Variants in LEKR1 observed in about 807,000 individuals in gnomAD.
The protein encoded by LEKR1 is leucine, glutamate and lysine rich 1.
Under a neutral mutation model 72.4 loss-of-function variants are expected in LEKR1, and 59 were observed. That is an observed-to-expected ratio of 0.82 (90% CI 0.66 to 1.01). The LOEUF (loss-of-function observed/expected upper bound fraction) is 1.01, where lower values mean the gene tolerates loss of function less well. LEKR1 is among the 50% of genes least tolerant of loss of function. LEKR1 has a pLI of 0.00. For missense variants in LEKR1, 728 were observed against 759.2 expected, an observed-to-expected ratio of 0.96 and a Z score of 0.48; for synonymous variants, 257 against 263.2, an observed-to-expected ratio of 0.98 and a Z score of 0.23.
chr3:156,839,393 TG>T (rs1713594529), intron 2 of LEKR1, among the ~76,000 whole-genome samples: 1 of 152,250 alleles, frequency 6.6e-6, no homozygotes, highest in Non-Finnish European at 1.5e-5. Flanking sequence ...CCATTGAAGA[TG>T]CCATCATTCT....
chr3:156,938,969 C>T (rs1026538229), intron 5 of LEKR1, among the ~76,000 whole-genome samples: 1 of 152,270 alleles, frequency 6.6e-6, no homozygotes, highest in African/African-American at 2.4e-5. Flanking sequence ...ATTGTACTTG[C>T]GTTAGCTAGT....
At chr3:156,909,370 T>C (rs1228304139) in intron 3 of LEKR1, among the ~76,000 whole-genome samples, 1 of 152,104 alleles carries the variant, frequency 6.6e-6, no homozygotes, top group African/African-American at 2.4e-5. Context: ...ATGTTTAAAT[T>C]TTCATTGCTG....
At chr3:156,855,049 T>C (rs965487984) in intron 3 of LEKR1, among the ~76,000 whole-genome samples, 1 of 152,190 alleles carries the variant, frequency 6.6e-6, no homozygotes, top group Non-Finnish European at 1.5e-5. Flanking sequence ...GAATATGCTA[T>C]AATTTACTTA....
chr3:156,981,140 G>T (rs1243449977), intron 7 of LEKR1, among the ~76,000 whole-genome samples: 1 of 152,162 alleles, frequency 6.6e-6, no homozygotes, highest in Non-Finnish European at 1.5e-5. Context: ...TAGCCTACGT[G>T]TGTAGTAGGT....
At chr3:156,908,160 G>A (rs760437425) in intron 3 of LEKR1, among the ~76,000 whole-genome samples, 9 of 152,084 alleles carry the variant, frequency 5.9e-5, no homozygotes, top group African/African-American at 2.2e-4. Flanking sequence ...CCTTAATCAC[G>A]TGGCTAAACT....
At chr3:157,003,723 T>A (rs1732196533) in intron 9 of LEKR1, among the ~76,000 whole-genome samples, 1 of 152,144 alleles carries the variant, frequency 6.6e-6, no homozygotes, top group Admixed American at 6.5e-5. Context: ...GGAAACATAC[T>A]CACAGATTCA....
At chr3:157,026,599 A>G (rs913326932) in intron 11 of LEKR1, among the ~76,000 whole-genome samples, 1 of 152,188 alleles carries the variant, frequency 6.6e-6, no homozygotes, top group African/African-American at 2.4e-5. Flanking sequence ...ATTATGAACT[A>G]TGGTGAAGAG....
chr3:156,852,845 A>C lies in LEKR1; in HGVS notation c.126A>C (p.Glu42Asp). Residue 42 changes from glutamate to aspartate, a missense_variant, in exon 3 of 13, where the codon GAA (glutamate) becomes GAC (aspartate). Coordinates refer to ENST00000356539, the MANE Select transcript of LEKR1 (RefSeq NM_001004316.3). ...LILHEFKAME[E>D]KVKAMEKEMK... ...TTCATGAATTTAAGGCTATGGAAGA[A>C]AAAGTGAAAGCAATGGAAAAAGAGA... 4 of 1,535,696 alleles carry C rather than the reference A, an allele frequency of 2.6e-6. No homozygotes were observed. Among genetic ancestry groups the C allele is most frequent in the Non-Finnish European group, 3.5e-6 (4 of 1,145,796 alleles).
At chr3:156,908,691 C>G (rs1722784031) in intron 3 of LEKR1, among the ~76,000 whole-genome samples, 1 of 152,064 alleles carries the variant, frequency 6.6e-6, no homozygotes. Flanking sequence ...TCTAAAATGC[C>G]CTGATTTCTT....
intron 2 of LEKR1, among the ~76,000 whole-genome samples, chr3:156,833,884 G>A (rs1560011118): frequency 6.7e-6 from 1 of 149,740 alleles, no homozygotes; most frequent in Non-Finnish European, 1.5e-5. Context: ...GTGGCTACCT[G>A]AATCTCTCTT....
intron 3 of LEKR1, among the ~76,000 whole-genome samples, chr3:156,870,951 CT>C (rs201513634): frequency 3.0e-4 from 45 of 151,786 alleles, no homozygotes; most frequent in Admixed American, 8.6e-4. Context: ...GTCCTTCATT[CT>C]TTTTTTTATT....
At chr3:156,927,666 T>C (rs1475750601) in intron 5 of LEKR1, 62 bp downstream of exon 5, 1 of 614,394 alleles carries the variant, frequency 1.6e-6, no homozygotes, top group African/African-American at 2.1e-5. Context: ...TCATAAGTAA[T>C]AAAATAATGA....
At chr3:157,003,684 A>C (rs1415858064) in intron 9 of LEKR1, among the ~76,000 whole-genome samples, 1 of 152,192 alleles carries the variant, frequency 6.6e-6, no homozygotes, top group African/African-American at 2.4e-5. Flanking sequence ...TAACTTTATC[A>C]CATCTACAAA....
intron 3 of LEKR1, among the ~76,000 whole-genome samples, chr3:156,885,441 G>C (rs763068534): frequency 2.0e-5 from 3 of 152,168 alleles, no homozygotes; most frequent in African/African-American, 4.8e-5. Context: ...GAAACTCAAG[G>C]CTTGCTGTTC....
intron 12 of LEKR1, among the ~76,000 whole-genome samples, chr3:157,033,942 C>T (rs1276131720): frequency 6.6e-6 from 1 of 152,020 alleles, no homozygotes; most frequent in African/African-American, 2.4e-5. Context: ...TATGCTAAAT[C>T]TACTCTACTC....
Position 156,845,243 on chromosome 3 carries a change from G to A in LEKR1, c.49-7525G>A, listed in dbSNP as rs1024416740. The stretch of plus-strand genomic sequence containing the variant: ...AATTCTTTATATAATCTAGGTACTA[G>A]TAAGATACGTGGTTTTCAAATATTT... On this transcript the variant is annotated intron_variant, in intron 2 of 12. Coordinates refer to ENST00000356539, the MANE Select transcript of LEKR1 (RefSeq NM_001004316.3). 7.9e-5 allele frequency among the ~76,000 whole-genome samples: 12 copies of A among 151,808 alleles called. No individual in the cohort carries two copies. In the East Asian group the frequency reaches 1.2e-3, roughly 15 times the overall value.
chr3:156,972,331 G>A (rs537806163), intron 6 of LEKR1, among the ~76,000 whole-genome samples: 141 of 151,802 alleles, frequency 9.3e-4, no homozygotes, highest in Middle Eastern at 3.4e-3. Context: ...TCACACACAC[G>A]GGGGCCTGTT....
chr3:156,861,980 G>A (rs1716811839), intron 3 of LEKR1, among the ~76,000 whole-genome samples: 1 of 152,024 alleles, frequency 6.6e-6, no homozygotes. Flanking sequence ...GTAAATAGAA[G>A]TTGACAGGGG....
At chr3:156,974,815 A>G (rs780210821) in intron 6 of LEKR1, among the ~76,000 whole-genome samples, 1 of 152,208 alleles carries the variant, frequency 6.6e-6, no homozygotes, top group African/African-American at 2.4e-5. Flanking sequence ...AAATTTTGCC[A>G]TAGTTGCACT....
Sources: allele counts gnomAD v4.1 joint callset (sites outside exome capture counted in the v4.1 genomes callset), GRCh38; gene constraint gnomAD v4.1.1; transcripts MANE v1.5; gene names NCBI Gene and HGNC (gene_info 2026-07-23, HGNC 2026-07-21).